ECSIT: variants seen among roughly 807,000 people sequenced by gnomAD.
ECSIT encodes the protein evolutionarily conserved signaling intermediate in Toll pathway, mitochondrial.
A neutral mutation model predicts 36.8 loss-of-function variants in ECSIT; 29 were observed. The observed-to-expected ratio is 0.79, with a 90% CI of 0.59 to 1.08. The LOEUF is 1.08. Among genes scored for constraint, ECSIT ranks in the 50% least tolerant of loss-of-function variants. The pLI, the probability that ECSIT is intolerant of heterozygous loss-of-function variation, is 0.00. For synonymous variants in ECSIT, 231 were observed against 234.8 expected, an observed-to-expected ratio of 0.98 and a Z score of 0.15; for missense variants, 542 against 581.0, an observed-to-expected ratio of 0.93 and a Z score of 0.69.
At chr19:11,520,467 T>G (rs1450922995) in intron 1 of ECSIT, among the ~76,000 whole-genome samples, 3 of 146,292 alleles carry the variant, frequency 2.1e-5, no homozygotes, top group Non-Finnish European at 3.0e-5. Flanking sequence ...CCACCGCACC[T>G]GGCCCACTGA....
chr19:11,522,728 T>A (rs1972131550), intron 1 of ECSIT, among the ~76,000 whole-genome samples: 1 of 149,466 alleles, frequency 6.7e-6, no homozygotes, highest in African/African-American at 2.5e-5. Context: ...AATTAATTAA[T>A]TAAATTTAAT....
intron 4 of ECSIT, among the ~76,000 whole-genome samples, chr19:11,508,382 G>GCTTTTTTTTTTTTTTTTTT (rs1418652426): frequency 8.6e-6 from 1 of 115,816 alleles, no homozygotes; most frequent in Non-Finnish European, 1.6e-5. Context: ...ACTTAATTCC[G>GCTTTTTTTTTTTTTTTTTT]ATTTTTTTTT....
Position 11,513,904 on chromosome 19 carries a change from C to T in ECSIT, c.414G>A (p.Lys138=). Residue 138 remains lysine (K), a synonymous_variant, in exon 3 of 8, where the codon AAG becomes AAA. Coordinates refer to ENST00000270517, the MANE Select transcript of ECSIT (RefSeq NM_016581.5). The stretch of plus-strand genomic sequence containing the variant: ...TGATGTTGCGAGGCCGGAAGACCTC[C>T]TTGGGGAAGATGTTGAGCAGCTGGT... The part of the protein sequence containing the change: ...VYNQLLNIFP[K]EVFRPRNIIQ... 1 of 1,614,176 alleles carries T rather than the reference C, an allele frequency of 6.2e-7. No individual in the cohort carries two copies. The highest frequency in any genetic ancestry group is 8.5e-7 in the Non-Finnish European group (1 of 1,180,020).
At chr19:11,507,954 G>C in intron 5 of ECSIT, 37 bp downstream of exon 5, 1 of 1,614,062 alleles carries the variant, frequency 6.2e-7, no homozygotes, top group African/African-American at 1.3e-5. Context: ...CCTGGGTAAG[G>C]TTAGAGACTT....
At position 11,514,058 on chromosome 19, in the gene ECSIT, G is replaced by A. The variant is rs149628911; in HGVS notation, c.260C>T (p.Ala87Val). The change falls in exon 3 of 8, where the codon GCG becomes GTG. Residue 87 changes from alanine to valine, a missense_variant. Physicochemically the swap from Ala to Val is moderately conservative, Grantham distance 64 (BLOSUM62 0). Coordinates refer to ENST00000270517, the MANE Select transcript of ECSIT (RefSeq NM_016581.5). ...TTTCTGCACCGTCTGCAGGAAGCTC[G>A]CCTTGTCCCGTTCCCCACCAGGCGC... ...GQAPGGERDK[A>V]SFLQTVQKFA... 166 of 1,614,178 alleles carry A rather than the reference G, an allele frequency of 1.0e-4. No individual in the cohort carries two copies. In the African/African-American group the frequency reaches 1.8e-3, roughly 17 times the overall value.
intron 1 of ECSIT, chr19:11,523,409 A>G (rs1337693430): frequency 5.2e-6 from 3 of 581,690 alleles, no homozygotes; most frequent in Non-Finnish European, 8.9e-6. Flanking sequence ...TATGTTCAAG[A>G]TTCAGCTTCA....
In ECSIT at chr19:11,513,784, C is replaced by T. The variant is rs370226756; in HGVS notation, c.514+20G>A. 10 of 1,613,142 alleles carry T rather than the reference C, an allele frequency of 6.2e-6. No individual in the cohort carries two copies. The highest frequency in any genetic ancestry group is 1.6e-4 in the Middle Eastern group (1 of 6,072). On this transcript the variant is annotated intron_variant, in intron 3 of 7. Transcript: ENST00000270517. Reference sequence around the variant, plus strand: ...TCAGTGTAGCCCACTCCCCACCCTGCGCCAGCCTCCTGGCCTCACCGTGGT... The same window carrying T: ...TCAGTGTAGCCCACTCCCCACCCTGTGCCAGCCTCCTGGCCTCACCGTGGT...
chr19:11,527,107 A>G (rs1163632279), intron 1 of ECSIT, among the ~76,000 whole-genome samples: 2 of 152,256 alleles, frequency 1.3e-5, no homozygotes, highest in South Asian at 2.1e-4. Context: ...CAGGTGGATC[A>G]CAAGGTCAGT....
chr19:11,523,745 G>C (rs1168172350), intron 1 of ECSIT: 4 of 683,112 alleles, frequency 5.9e-6, no homozygotes, highest in Non-Finnish European at 1.1e-5. Flanking sequence ...TAAAGTGGTT[G>C]GTTGCAGTTG....
intron 1 of ECSIT, among the ~76,000 whole-genome samples, chr19:11,527,165 T>C (rs1448632610): frequency 6.6e-6 from 1 of 150,842 alleles, no homozygotes; most frequent in African/African-American, 2.4e-5. Context: ...GTACTAAAAA[T>C]ACAAAAATTA....
chr19:11,508,742 T>C (rs1011329606), intron 4 of ECSIT, among the ~76,000 whole-genome samples: 1 of 151,916 alleles, frequency 6.6e-6, no homozygotes, highest in Non-Finnish European at 1.5e-5. Flanking sequence ...TTAGTAGAGA[T>C]AGGGTTTTGC....
chr19:11,527,993 C>T (rs1225391698), intron 1 of ECSIT, among the ~76,000 whole-genome samples: 4 of 152,128 alleles, frequency 2.6e-5, no homozygotes, highest in Non-Finnish European at 5.9e-5. Flanking sequence ...AAGTGAGATC[C>T]TGTCTCTAAA....
rs1411340276 is a variant in ECSIT at position 11,519,574 on chromosome 19, C to T, written c.-23-381G>A. On this transcript the variant is annotated intron_variant, in intron 1 of 7. Coordinates refer to ENST00000270517, the MANE Select transcript of ECSIT (RefSeq NM_016581.5). The surrounding 1 kb of genome is among the most constrained non-coding windows in gnomAD (Gnocchi z 4.4). Reference sequence around the variant, plus strand: ...CTCGAACTGTTGGCTTCAAGTGATCCTCCCATCTCTGTCTCCAAAAGTGCT... The same window carrying T: ...CTCGAACTGTTGGCTTCAAGTGATCTTCCCATCTCTGTCTCCAAAAGTGCT... 6.6e-6 allele frequency among the ~76,000 whole-genome samples: 1 copy of T among 152,122 alleles called. No individual in the cohort carries two copies. Among genetic ancestry groups the T allele is most frequent in the Non-Finnish European group, 1.5e-5 (1 of 68,032 alleles).
At chr19:11,522,842 G>A (rs1281863992) in intron 1 of ECSIT, among the ~76,000 whole-genome samples, 4 of 152,116 alleles carry the variant, frequency 2.6e-5, no homozygotes, top group Non-Finnish European at 5.9e-5. Flanking sequence ...AGGGTGAGGC[G>A]GGTGGATCAC....
Position 11,507,866 on chromosome 19 carries a change from A to G in ECSIT, c.797-16T>C, listed in dbSNP as rs1470637682. 4 of 1,613,560 alleles carry G rather than the reference A, an allele frequency of 2.5e-6. No individual in the cohort carries two copies. Among genetic ancestry groups the G allele is most frequent in the African/African-American group, 1.3e-5 (1 of 74,878 alleles). On this transcript the variant is annotated splice_polypyrimidine_tract_variant and intron_variant, in intron 5 of 7. Transcript: ENST00000270517. ...CTCTGGATTCCTGGTGTGGAGACAT[A>G]CATGCCCTGTGCCCTGCAAGGGACT...
At chr19:11,514,710 C>T (rs532636612) in intron 2 of ECSIT, among the ~76,000 whole-genome samples, 9 of 152,084 alleles carry the variant, frequency 5.9e-5, no homozygotes, top group African/African-American at 1.7e-4. Flanking sequence ...TCAGCAGAGA[C>T]GGGAGTCGCA....
intron 7 of ECSIT, among the ~76,000 whole-genome samples, chr19:11,507,099 G>A (rs1263222198): frequency 6.6e-6 from 1 of 152,192 alleles, no homozygotes; most frequent in Non-Finnish European, 1.5e-5. Context: ...GAATGAACAA[G>A]GGCCAACAGG....
At chr19:11,515,806 G>C (rs756052925) in intron 2 of ECSIT, among the ~76,000 whole-genome samples, 7 of 152,138 alleles carry the variant, frequency 4.6e-5, no homozygotes, top group Admixed American at 3.3e-4. Flanking sequence ...GTTAACTTTT[G>C]TATTTTTAGT....
chr19:11,517,432 C>T (rs1972019487), intron 2 of ECSIT, among the ~76,000 whole-genome samples: 1 of 151,740 alleles, frequency 6.6e-6, no homozygotes, highest in Non-Finnish European at 1.5e-5. Context: ...CCCATCTCTA[C>T]CAAAAATGCA....
Sources: allele counts gnomAD v4.1 joint callset (sites outside exome capture counted in the v4.1 genomes callset), GRCh38; gene constraint gnomAD v4.1.1; non-coding constraint Gnocchi (gnomAD v3.1); transcripts MANE v1.5; gene names NCBI Gene and HGNC (gene_info 2026-07-23, HGNC 2026-07-21).